Variants in NUDT9 observed in about 807,000 individuals in gnomAD.
The protein encoded by NUDT9 is ADP-ribose pyrophosphatase.
Under a neutral mutation model 41.0 loss-of-function variants are expected in NUDT9, and 31 were observed. The ratio of observed to expected loss-of-function variants is 0.76; its 90% CI spans 0.57 to 1.02. The LOEUF (loss-of-function observed/expected upper bound fraction) is 1.02, where lower values mean the gene tolerates loss of function less well. NUDT9 is among the 50% of genes least tolerant of loss of function. The pLI is 0.00. For missense variants in NUDT9, 380 were observed against 431.4 expected, an observed-to-expected ratio of 0.88 and a Z score of 1.06; for synonymous variants, 146 against 147.6, an observed-to-expected ratio of 0.99 and a Z score of 0.08.
At chr4:87,456,230 G>A (rs945484357) in intron 7 of NUDT9, among the ~76,000 whole-genome samples, 1 of 152,064 alleles carries the variant, frequency 6.6e-6, no homozygotes, top group Admixed American at 6.5e-5. Context: ...GTAAATTCTA[G>A]AGGAAGGGGA....
chr4:87,441,520 A>G (rs1722199505), intron 3 of NUDT9, among the ~76,000 whole-genome samples: 1 of 152,212 alleles, frequency 6.6e-6, no homozygotes, highest in Admixed American at 6.5e-5. Context: ...TCCAGAAGAA[A>G]CCAGGAACGT....
Position 87,438,274 on chromosome 4 carries a change from C to A in NUDT9, c.348-3C>A. Reference sequence around the variant, plus strand: ...TTATTTTACATTGGTATTCTCATTACAGTGAAAGTAATTTTTCTCCCAAGT... The same window carrying A: ...TTATTTTACATTGGTATTCTCATTAAAGTGAAAGTAATTTTTCTCCCAAGT... On this transcript the variant is annotated splice_region_variant and splice_polypyrimidine_tract_variant and intron_variant, in intron 2 of 7. Transcript: ENST00000302174. The A allele has an allele frequency of 6.5e-7, 1 of 1,537,322 alleles. No homozygotes were observed. The highest frequency in any genetic ancestry group is 9.0e-7 in the Non-Finnish European group (1 of 1,111,614).
intron 1 of NUDT9, chr4:87,434,297 G>A (rs1721811015): frequency 6.6e-6 from 1 of 151,966 alleles, no homozygotes; most frequent in Non-Finnish European, 1.5e-5. Context: ...GCCCTCCTTA[G>A]CCTCCCAAAG....
At chr4:87,436,193 C>T (rs563839976) in intron 2 of NUDT9, among the ~76,000 whole-genome samples, 2 of 152,242 alleles carry the variant, frequency 1.3e-5, no homozygotes, top group African/African-American at 4.8e-5. Context: ...GATGGGGTCT[C>T]ACTGTATTGT....
At chr4:87,455,658 C>CTTTTTTT (rs535251267) in intron 7 of NUDT9, among the ~76,000 whole-genome samples, 1 of 130,426 alleles carries the variant, frequency 7.7e-6, no homozygotes, top group African/African-American at 2.8e-5. Flanking sequence ...TTTCTTTTTT[C>CTTTTTTT]TTTTTTTTTT....
intron 3 of NUDT9, among the ~76,000 whole-genome samples, chr4:87,441,495 G>C (rs1006745415): frequency 2.6e-4 from 39 of 152,162 alleles, no homozygotes; most frequent in African/African-American, 9.2e-4. Context: ...AGAAAGTGAA[G>C]AGAGATCTAG....
intron 7 of NUDT9, among the ~76,000 whole-genome samples, chr4:87,456,345 C>G (rs1228508725): frequency 6.6e-6 from 1 of 152,154 alleles, no homozygotes; most frequent in Non-Finnish European, 1.5e-5. Flanking sequence ...CCTCCCCAAT[C>G]CTTAGGAAAG....
intron 1 of NUDT9, 55 bp downstream of exon 1, chr4:87,423,067 G>A (rs1578061252): frequency 7.3e-7 from 1 of 1,372,722 alleles, no homozygotes; most frequent in South Asian, 1.2e-5. Flanking sequence ...GTTGGGGGTG[G>A]GAAGCAGCTT....
intron 1 of NUDT9, 137 bp from the exon 2 acceptor site, chr4:87,434,844 C>T: frequency 1.5e-6 from 1 of 683,724 alleles, no homozygotes; most frequent in Admixed American, 2.9e-5. Context: ...GTCTTGAACC[C>T]CTAACCTCAG....
intron 7 of NUDT9, among the ~76,000 whole-genome samples, chr4:87,456,619 G>A (rs927548696): frequency 6.6e-6 from 1 of 152,174 alleles, no homozygotes; most frequent in African/African-American, 2.4e-5. Context: ...TTTCAAGCTA[G>A]TCCAAAGGTC....
intron 3 of NUDT9, among the ~76,000 whole-genome samples, chr4:87,439,376 C>T (rs1019262746): frequency 2.0e-5 from 3 of 151,992 alleles, no homozygotes; most frequent in Non-Finnish European, 2.9e-5. Context: ...ATCAGATTGG[C>T]CAGGCACAGT....
At chr4:87,424,357 T>G (rs936224951) in intron 1 of NUDT9, among the ~76,000 whole-genome samples, 1 of 149,644 alleles carries the variant, frequency 6.7e-6, no homozygotes, top group Non-Finnish European at 1.5e-5. Flanking sequence ...CCTCCTGGGT[T>G]CAAGCGATTC....
At chr4:87,437,212 AGCATTCCAGCCT>A (rs1721975058) in intron 2 of NUDT9, among the ~76,000 whole-genome samples, 1 of 146,156 alleles carries the variant, frequency 6.8e-6, no homozygotes, top group Admixed American at 6.8e-5. Context: ...ATAATGCTAC[AGCATTCCAGCCT>A]GGGTGACAGA....
chr4:87,455,834 G>T (rs1456753282), intron 7 of NUDT9, among the ~76,000 whole-genome samples: 1 of 151,458 alleles, frequency 6.6e-6, no homozygotes, highest in African/African-American at 2.4e-5. Context: ...GCTAATTTTT[G>T]TATTTTTAGT....
chr4:87,441,786 A>T, intron 3 of NUDT9, 43 bp from the exon 4 acceptor site: 1 of 1,475,412 alleles, frequency 6.8e-7, no homozygotes, highest in Non-Finnish European at 9.4e-7. Flanking sequence ...GGTTAAAAAG[A>T]TGAACACATT....
rs1446579537 is a variant in NUDT9 at position 87,441,866 on chromosome 4, C to A, written c.481C>A (p.Leu161Ile). The change falls in exon 4 of 8, where the codon CTT (leucine) becomes ATT (isoleucine). Residue 161 changes from leucine to isoleucine, a missense_variant. Physicochemically the swap from Leu to Ile is conservative, Grantham distance 5. Coordinates refer to ENST00000302174, the MANE Select transcript of NUDT9 (RefSeq NM_024047.5). ...AGRTGLVGRG[L>I]LGRWGPNHAA... ...ACGGACTGGACTGGTGGGCCGGGGG[C>A]TTTTGGGGCGATGGGGCCCAAATCA... The A allele has an allele frequency of 1.9e-6, 3 of 1,613,552 alleles. No individual in the cohort carries two copies. The highest frequency in any genetic ancestry group is 2.5e-6 in the Non-Finnish European group (3 of 1,179,850).
chr4:87,422,832 A>G lies in NUDT9; in HGVS notation c.-74A>G. 8.5e-7 allele frequency: 1 copy of G among 1,171,230 alleles called. No individual in the cohort carries two copies. Among genetic ancestry groups the G allele is most frequent in the Non-Finnish European group, 1.2e-6 (1 of 809,402 alleles). 72.6% of individuals were successfully genotyped at this position (1,171,230 alleles called of 1,614,324 possible). A position where few individuals can be genotyped will look rare whatever the true frequency, so the allele number is the denominator to read the frequency against. ...TCAGATACCCGCGGCCGGGACTCGGAGCTGTGGGGTGTGGGGAGGCGGAGG... is the reference window on the plus strand; with the variant it reads ...TCAGATACCCGCGGCCGGGACTCGGGGCTGTGGGGTGTGGGGAGGCGGAGG... On this transcript the variant is annotated 5_prime_UTR_variant, in exon 1 of 8. Coordinates refer to ENST00000302174, the MANE Select transcript of NUDT9 (RefSeq NM_024047.5).
intron 1 of NUDT9, chr4:87,434,271 T>A (rs10025902): frequency 0.31 from 47,095 of 151,916 alleles, 7,829 homozygotes; most frequent in Non-Finnish European, 0.38. Context: ...CTCGAACTCC[T>A]GACCTCAAGT....
chr4:87,450,789 C>A (rs28437709), intron 5 of NUDT9, among the ~76,000 whole-genome samples: 18,055 of 152,074 alleles, frequency 0.12, 1,154 homozygotes, highest in East Asian at 0.23. Context: ...ATTTAAAATT[C>A]TTATCAGGAA....
Sources: allele counts gnomAD v4.1 joint callset (sites outside exome capture counted in the v4.1 genomes callset), GRCh38; gene constraint gnomAD v4.1.1; transcripts MANE v1.5; gene names NCBI Gene and HGNC (gene_info 2026-07-23, HGNC 2026-07-21).